FBXL2: variants seen among roughly 807,000 people sequenced by gnomAD.
FBXL2 encodes F-box/LRR-repeat protein 2.
A neutral mutation model predicts 69.2 loss-of-function variants in FBXL2; 38 were observed. That is an observed-to-expected ratio of 0.55 (90% CI 0.42 to 0.72). The LOEUF (loss-of-function observed/expected upper bound fraction) is 0.72, where lower values mean the gene tolerates loss of function less well. FBXL2 is among the 30% of genes least tolerant of loss of function. The probability of loss-of-function intolerance (pLI) is 0.00; values close to 1 mark genes in which losing one functional copy is unlikely to be tolerated. For missense variants in FBXL2, 354 were observed against 520.3 expected, an observed-to-expected ratio of 0.68 and a Z score of 3.11; for synonymous variants, 192 against 201.3, an observed-to-expected ratio of 0.95 and a Z score of 0.39.
At chr3:33,325,752 A>C (rs1386453367) in intron 2 of FBXL2, among the ~76,000 whole-genome samples, 2 of 152,136 alleles carry the variant, frequency 1.3e-5, no homozygotes, top group African/African-American at 4.8e-5. Flanking sequence ...TCAGAAGTTA[A>C]TTTGATTTAT....
At chr3:33,323,476 C>T (rs568542006) in intron 2 of FBXL2, among the ~76,000 whole-genome samples, 2 of 152,264 alleles carry the variant, frequency 1.3e-5, no homozygotes, top group East Asian at 3.9e-4. Flanking sequence ...CGACGCCCAA[C>T]AGGCCCCATT....
chr3:33,286,839 G>C (rs111988463), intron 1 of FBXL2, among the ~76,000 whole-genome samples: 1 of 152,180 alleles, frequency 6.6e-6, no homozygotes, highest in Non-Finnish European at 1.5e-5. Flanking sequence ...CTCTGAGCCA[G>C]GCGCGGGATA....
chr3:33,393,374 G>A lies in FBXL2; in HGVS notation n.1214+7646G>A, dbSNP rs769663322. ...TGTCTGTAAACCTGATTAATTTGGT[G>A]GAGAGGGATATTAAACACCAGCGCA... On this transcript the variant is annotated intron_variant and non_coding_transcript_variant, in intron 12 of 12. Coordinates refer to the FBXL2 transcript ENST00000463736. 5 of 1,613,274 alleles carry A rather than the reference G, an allele frequency of 3.1e-6. No individual in the cohort carries two copies. The South Asian group carries it at 3.3e-5, about 11-fold the overall frequency.
intron 2 of FBXL2, among the ~76,000 whole-genome samples, chr3:33,353,222 G>A (rs753844059): frequency 6.6e-6 from 1 of 152,170 alleles, no homozygotes; most frequent in Non-Finnish European, 1.5e-5. Context: ...CAGCTTGGCA[G>A]TTTCTTGCAA....
chr3:33,277,378 C>A, upstream of FBXL2: 1 of 977,548 alleles, frequency 1.0e-6, no homozygotes, highest in Non-Finnish European at 1.3e-6. Context: ...GGGTCACGTG[C>A]TCGCCGACCA....
At chr3:33,284,679 C>CTT (rs1366021105) in intron 1 of FBXL2, among the ~76,000 whole-genome samples, 1 of 152,134 alleles carries the variant, frequency 6.6e-6, no homozygotes, top group African/African-American at 2.4e-5. Context: ...GTGTGGGAGT[C>CTT]TAAGTCTCTT....
downstream of FBXL2, chr3:33,390,244 C>T (rs146810352): frequency 2.3e-3 from 3,167 of 1,355,230 alleles, 49 homozygotes; most frequent in East Asian, 0.023. Flanking sequence ...ATGGTAAAAT[C>T]CAATCCCAAG....
intron 12 of FBXL2, chr3:33,393,386 T>C (rs1306772492): frequency 1.9e-6 from 3 of 1,613,700 alleles, no homozygotes; most frequent in African/African-American, 1.3e-5. Flanking sequence ...AGAGGGATAT[T>C]AAACACCAGC....
the FBXL2 span, among the ~76,000 whole-genome samples, chr3:33,411,860 C>G: frequency 1.6e-4 from 25 of 152,068 alleles, no homozygotes; most frequent in Admixed American, 5.9e-4. Context: ...CGAATATCAT[C>G]GTTTCCCCTA....
intron 2 of FBXL2, among the ~76,000 whole-genome samples, chr3:33,339,530 G>A (rs2039854344): frequency 6.6e-6 from 1 of 152,158 alleles, no homozygotes; most frequent in South Asian, 2.1e-4. Flanking sequence ...AAGGAAACAG[G>A]AGACATGGAG....
At chr3:33,277,651 T>G in intron 1 of FBXL2, 136 bp downstream of exon 1, 5 of 931,734 alleles carry the variant, frequency 5.4e-6, no homozygotes, top group Non-Finnish European at 7.0e-6. Flanking sequence ...GCGAGGCTGC[T>G]GGGCAGGGCA....
At chr3:33,343,558 A>G (rs1027847018) in intron 2 of FBXL2, among the ~76,000 whole-genome samples, 1 of 152,156 alleles carries the variant, frequency 6.6e-6, no homozygotes, top group Non-Finnish European at 1.5e-5. Flanking sequence ...GATTAGAAAT[A>G]CAATATTTAG....
At chr3:33,397,271 A>T in intron 12 of FBXL2, 1 of 579,034 alleles carries the variant, frequency 1.7e-6, no homozygotes. Flanking sequence ...CATGAACAAT[A>T]TAAGAAGACA....
At chr3:33,316,339 A>T (rs375393280) in intron 2 of FBXL2, among the ~76,000 whole-genome samples, 4 of 152,086 alleles carry the variant, frequency 2.6e-5, no homozygotes, top group Admixed American at 2.6e-4. Context: ...GATTACAGGC[A>T]TGAGCCACCA....
intron 2 of FBXL2, among the ~76,000 whole-genome samples, chr3:33,314,664 A>G (rs1356357372): frequency 3.9e-5 from 6 of 152,220 alleles, no homozygotes; most frequent in Non-Finnish European, 8.8e-5. Flanking sequence ...TCATTTGGAT[A>G]ATATGGTTCA....
At chr3:33,282,260 T>C (rs13097256) in intron 1 of FBXL2, among the ~76,000 whole-genome samples, 5 of 152,100 alleles carry the variant, frequency 3.3e-5, no homozygotes, top group African/African-American at 7.2e-5. Flanking sequence ...CAGCTTTCTA[T>C]ATATGGCTAG....
At position 33,373,701 on chromosome 3, in the gene FBXL2, A is replaced by C. The variant is rs370187175; in HGVS notation, c.579A>C (p.Thr193=). The stretch of plus-strand genomic sequence containing the variant: ...AAGCCCTGCTCCTGAGGGGCTGCAC[A>C]CAGGTACCAGAGGGTTGATACAGCT... ...GLKALLLRGC[T]QLEDEALKHI... is the part of the protein sequence containing the mutation. The change falls in exon 8 of 15, where the codon ACA becomes ACC. Residue 193 remains threonine (T), a synonymous_variant. Coordinates refer to ENST00000484457, the MANE Select transcript of FBXL2 (RefSeq NM_012157.5). 1.2e-6 allele frequency: 2 copies of C among 1,614,056 alleles called. No individual in the cohort carries two copies. Among genetic ancestry groups the C allele is most frequent in the African/African-American group, 2.7e-5 (2 of 74,920 alleles).
chr3:33,373,281 A>T lies in FBXL2; in HGVS notation c.381A>T (p.Arg127Ser), dbSNP rs543349981. The change falls in exon 7 of 15, where the codon AGA becomes AGT. Residue 127 changes from arginine (R) to serine (S), a missense_variant. Coordinates refer to ENST00000484457, the MANE Select transcript of FBXL2 (RefSeq NM_012157.5). ...TCAGCACGTGTTATAGCCTTAGCAG[A>T]TTCTGTTCCAAGCTGAAACATCTGG... ...ITDSTCYSLS[R>S]FCSKLKHLDL... 3.7e-6 allele frequency: 6 copies of T among 1,614,170 alleles called. No individual in the cohort carries two copies. The South Asian group carries it at 6.6e-5, about 18-fold the overall frequency.
intron 12 of FBXL2, among the ~76,000 whole-genome samples, chr3:33,395,616 G>A (rs902439867): frequency 6.6e-6 from 1 of 151,794 alleles, no homozygotes; most frequent in Admixed American, 6.6e-5. Context: ...GGCACCAGAC[G>A]CGCCACACAA....
Sources: allele counts gnomAD v4.1 joint callset (sites outside exome capture counted in the v4.1 genomes callset), GRCh38; gene constraint gnomAD v4.1.1; transcripts MANE v1.5; gene names NCBI Gene and HGNC (gene_info 2026-07-23, HGNC 2026-07-21).